The following RTTN variants were observed in gnomAD, a reference collection of about 807,000 sequenced individuals.
RTTN encodes the protein rotatin.
In RTTN, 182 loss-of-function variants were observed where a neutral mutation model predicts 269.2. That is an observed-to-expected ratio of 0.68 (90% confidence interval 0.60 to 0.76). The LOEUF is 0.76. Ranked by LOEUF, RTTN falls within the 30% of genes least tolerant of loss-of-function variation. The pLI, the probability that RTTN is intolerant of heterozygous loss-of-function variation, is 0.00. For synonymous variants in RTTN, 1,006 were observed against 963.5 expected (o/e 1.04, Z -0.82); for missense variants, 2,545 against 2,608.6 (o/e 0.98, Z 0.53).
intron 21 of RTTN, among the ~76,000 whole-genome samples, chr18:70,136,045 G>A (rs2060116534): frequency 6.6e-6 from 1 of 152,096 alleles, no homozygotes; most frequent in Non-Finnish European, 1.5e-5. Context: ...AAGAAGTTTT[G>A]AGAGAAGAGA....
intron 40 of RTTN, among the ~76,000 whole-genome samples, chr18:70,032,268 G>C (rs559347299): frequency 1.1e-4 from 16 of 152,290 alleles, no homozygotes; most frequent in Non-Finnish European, 7.4e-5. Context: ...CCCGAGCCTA[G>C]CCACACCTGC....
At chr18:70,095,292 T>C (rs760292779) in intron 28 of RTTN, among the ~76,000 whole-genome samples, 1 of 152,184 alleles carries the variant, frequency 6.6e-6, no homozygotes, top group East Asian at 1.9e-4. Flanking sequence ...GCATTTAGCC[T>C]GTTTACATTT....
intron 45 of RTTN, among the ~76,000 whole-genome samples, chr18:70,020,231 C>T (rs1378978045): frequency 6.6e-6 from 1 of 152,130 alleles, no homozygotes; most frequent in African/African-American, 2.4e-5. Context: ...TTTCATAAAC[C>T]ATTTTGTCAA....
chr18:70,100,892 C>T (rs1480317409), intron 28 of RTTN, among the ~76,000 whole-genome samples: 6 of 152,062 alleles, frequency 3.9e-5, no homozygotes, highest in African/African-American at 1.4e-4. Flanking sequence ...TTGATCTGTG[C>T]ATGTTGAACC....
At chr18:70,079,856 A>G (rs1174619876) in intron 32 of RTTN, among the ~76,000 whole-genome samples, 2 of 152,194 alleles carry the variant, frequency 1.3e-5, no homozygotes, top group African/African-American at 4.8e-5. Context: ...TCCTAGTGTC[A>G]GTGCTAATAT....
In RTTN at chr18:70,092,149, C is replaced by T. The variant is rs2058865530; in HGVS notation, c.4104G>A (p.Leu1368=). ...SEEHIPTQQG[L]AWLIPLWVDR... is the part of the protein sequence containing the mutation. Reference sequence around the variant, plus strand: ...CAACCCATAATGGAATCAACCAAGCCAATCCTTGTTGAGTAGGAATATGTT... The same window carrying T: ...CAACCCATAATGGAATCAACCAAGCTAATCCTTGTTGAGTAGGAATATGTT... Residue 1368 remains leucine, a synonymous_variant, in exon 30 of 49, where the codon TTG becomes TTA. Transcript: ENST00000640769. The T allele has an allele frequency of 6.2e-7, 1 of 1,613,524 alleles. No homozygotes were observed. Among genetic ancestry groups the T allele is most frequent in the Non-Finnish European group, 8.5e-7 (1 of 1,179,556 alleles).
chr18:70,180,411 GTCTCT>G (rs1029516460), intron 10 of RTTN, among the ~76,000 whole-genome samples: 1 of 152,094 alleles, frequency 6.6e-6, no homozygotes, highest in Non-Finnish European at 1.5e-5. Context: ...GCAAAACCCA[GTCTCT>G]GCTAAAAATA....
chr18:70,105,778 A>T (rs914946719), intron 28 of RTTN, among the ~76,000 whole-genome samples: 2 of 152,156 alleles, frequency 1.3e-5, no homozygotes, highest in Admixed American at 1.3e-4. Context: ...AAATATATAT[A>T]TACATTATTT....
At chr18:70,029,215 A>T (rs1599169182) in intron 42 of RTTN, among the ~76,000 whole-genome samples, 1 of 151,924 alleles carries the variant, frequency 6.6e-6, no homozygotes. Context: ...TCCTGCATCA[A>T]TTACATTATT....
chr18:70,029,735 T>G (rs1425077511), intron 42 of RTTN, among the ~76,000 whole-genome samples: 1 of 152,206 alleles, frequency 6.6e-6, no homozygotes, highest in Admixed American at 6.5e-5. Context: ...TTTTGTAGTA[T>G]AAAAAATTTA....
chr18:70,128,548 TAAAGAA>T lies in RTTN; in HGVS notation c.2955-8_2955-3del, dbSNP rs1005664378. The stretch of plus-strand genomic sequence containing the variant: ...ATTACATGAACAGGTAGATGGTACC[TAAAGAA>T]AATGTGTACAAATAATTACAAACTT... On this transcript the variant is annotated splice_region_variant and splice_polypyrimidine_tract_variant and intron_variant, in intron 23 of 48. Transcript: ENST00000640769. 1.9e-6 allele frequency: 3 copies of T among 1,609,832 alleles called. No homozygotes were observed. The African/African-American group carries it at 4.0e-5, about 22-fold the overall frequency.
chr18:70,182,352 T>C (rs1003070457), intron 10 of RTTN, among the ~76,000 whole-genome samples: 8 of 152,142 alleles, frequency 5.3e-5, no homozygotes, highest in South Asian at 2.1e-4. Context: ...TCAGACAGCC[T>C]GTAACAATGT....
chr18:70,023,106 C>T (rs1252490975), intron 44 of RTTN, among the ~76,000 whole-genome samples: 4 of 152,176 alleles, frequency 2.6e-5, no homozygotes, highest in South Asian at 2.1e-4. Flanking sequence ...AACTTCTGCC[C>T]TCAGCCCACT....
chr18:70,109,331 C>T (rs2059400400), intron 28 of RTTN, among the ~76,000 whole-genome samples, 167 bp downstream of exon 28: 1 of 152,120 alleles, frequency 6.6e-6, no homozygotes, highest in Admixed American at 6.6e-5. Flanking sequence ...AAGTGACCTT[C>T]CTTACTTAAC....
In RTTN at chr18:70,188,155, T is replaced by C. The variant is rs759930876; in HGVS notation, c.1258A>G (p.Ile420Val). Residue 420 changes from isoleucine to valine, a missense_variant, in exon 10 of 49, where the codon ATT becomes GTT. By Grantham distance (29) the Ile-to-Val change is conservative. Transcript: ENST00000640769. Reference protein sequence around the residue: ...TEDMTLIGEAISTDIWDDSSL... With the variant: ...TEDMTLIGEAVSTDIWDDSSL... ...CTGTCATCCCAGATATCTGTTGAAATTGCTTCACCAATAAGTGTCATATCC... is the reference window on the plus strand; with the variant it reads ...CTGTCATCCCAGATATCTGTTGAAACTGCTTCACCAATAAGTGTCATATCC... The C allele has an allele frequency of 3.7e-6, 6 of 1,612,116 alleles. 1 individual carries two copies. Among genetic ancestry groups the C allele is most frequent in the East Asian group, 4.5e-5 (2 of 44,774 alleles).
chr18:70,174,411 G>A (rs1401193330), intron 11 of RTTN, among the ~76,000 whole-genome samples: 2 of 151,940 alleles, frequency 1.3e-5, no homozygotes, highest in Non-Finnish European at 2.9e-5. Context: ...AATGAAACTC[G>A]TGAAACTATA....
chr18:70,109,676 G>T lies in RTTN; in HGVS notation c.3725C>A (p.Ala1242Asp). ...ELLYVFQTQL[A>D]LKLLQCLKVT... is the part of the protein sequence containing the mutation. ...TTTCAGACACTGGAGCAGTTTCAGA[G>T]CCAGCTGCGTTTGAAAAACGTAAAG... The change falls in exon 28 of 49, where the codon GCT (alanine) becomes GAT (aspartate). Residue 1242 changes from alanine to aspartate, a missense_variant. Physicochemically the swap from Ala to Asp is moderately radical, Grantham distance 126. Transcript: ENST00000640769. 1.2e-6 allele frequency: 2 copies of T among 1,614,026 alleles called. No homozygotes were observed. Among genetic ancestry groups the T allele is most frequent in the Non-Finnish European group, 1.7e-6 (2 of 1,180,000 alleles).
At chr18:70,205,447 G>A in intron 1 of RTTN, 132 bp from the exon 2 acceptor site, 1 of 1,374,430 alleles carries the variant, frequency 7.3e-7, no homozygotes. Context: ...GGTGCCTTCG[G>A]GACGCGAACC....
intron 38 of RTTN, 28 bp downstream of exon 38, chr18:70,054,103 C>T (rs757309182): frequency 1.3e-6 from 2 of 1,579,136 alleles, no homozygotes; most frequent in South Asian, 1.1e-5. Context: ...TATTCACTTA[C>T]ATTCTAAACT....
Sources: gnomAD v4.1 joint callset for allele counts (sites outside exome capture counted in the v4.1 genomes callset) on GRCh38, gnomAD v4.1.1 for gene constraint, MANE v1.5 for transcripts, NCBI Gene and HGNC (gene_info 2026-07-23, HGNC 2026-07-21) for gene names.